ATF2: variants seen among roughly 807,000 people sequenced by gnomAD.
ATF2 encodes cyclic AMP-dependent transcription factor ATF-2.
Under a neutral mutation model 60.6 loss-of-function variants are expected in ATF2, and 24 were observed. That is an observed-to-expected ratio of 0.40 (90% CI 0.29 to 0.56). ATF2 has a LOEUF of 0.56. Ranked by LOEUF, ATF2 falls within the 20% of genes least tolerant of loss-of-function variation. ATF2 has a pLI of 0.54. For synonymous variants in ATF2, 206 were observed against 215.4 expected (o/e 0.96, Z 0.38); for missense variants, 433 against 607.7 (o/e 0.71, Z 3.02).
chr2:175,074,558 C>A lies in ATF2; in HGVS notation c.*51G>T. On this transcript the variant is annotated 3_prime_UTR_variant, in exon 14 of 14. Coordinates refer to ENST00000264110, the MANE Select transcript of ATF2 (RefSeq NM_001880.4). ...TGGAAACTGGTCTTTCCTTGATTTCCCTTTGAAGTCACTAATGAGTATCTA... is the reference window on the plus strand; with the variant it reads ...TGGAAACTGGTCTTTCCTTGATTTCACTTTGAAGTCACTAATGAGTATCTA... 1 of 1,544,644 alleles carries A rather than the reference C, an allele frequency of 6.5e-7. No individual in the cohort carries two copies. Among genetic ancestry groups the A allele is most frequent in the East Asian group, 2.4e-5 (1 of 41,934 alleles).
At chr2:175,084,181 G>C (rs2105552345) in intron 12 of ATF2, among the ~76,000 whole-genome samples, 1 of 152,138 alleles carries the variant, frequency 6.6e-6, no homozygotes, top group African/African-American at 2.4e-5. Context: ...CTGCTATAAA[G>C]ACACATGCAC....
intron 4 of ATF2, among the ~76,000 whole-genome samples, chr2:175,125,970 A>C (rs1574429823): frequency 6.6e-6 from 1 of 152,124 alleles, no homozygotes; most frequent in Non-Finnish European, 1.5e-5. Context: ...TCAATCCTAC[A>C]TTGAAGCTAT....
intron 10 of ATF2, among the ~76,000 whole-genome samples, chr2:175,101,077 G>A: frequency 6.6e-6 from 1 of 152,094 alleles, no homozygotes; most frequent in East Asian, 1.9e-4. Flanking sequence ...AAGAAAAACT[G>A]AATTTTTTAG....
rs371109331 is a variant in ATF2, at chr2:175,114,886, A to G, written c.448-18T>C. The G allele has an allele frequency of 1.5e-5, 24 of 1,600,928 alleles. No individual in the cohort carries two copies. Among genetic ancestry groups the G allele is most frequent in the Admixed American group, 1.0e-4 (6 of 59,402 alleles). On this transcript the variant is annotated intron_variant, in intron 7 of 13. Transcript: ENST00000264110. ...GGTACTTCCTATTTAACAATGAGAT[A>G]AAAAAGGGTGGCATTTAAAAATACA...
chr2:175,099,860 T>A (rs1009629728), intron 10 of ATF2, among the ~76,000 whole-genome samples: 1 of 152,298 alleles, frequency 6.6e-6, no homozygotes, highest in Admixed American at 6.5e-5. Flanking sequence ...TTATCCTTGG[T>A]GCTACCAGAA....
At chr2:175,085,903 C>T (rs1331275371) in intron 12 of ATF2, among the ~76,000 whole-genome samples, 2 of 152,114 alleles carry the variant, frequency 1.3e-5, no homozygotes, top group African/African-American at 4.8e-5. Flanking sequence ...AACTTTTGCA[C>T]ATTCTTTTAT....
chr2:175,146,344 A>G (rs1376842474), intron 2 of ATF2, among the ~76,000 whole-genome samples: 1 of 152,176 alleles, frequency 6.6e-6, no homozygotes, highest in Non-Finnish European at 1.5e-5. Context: ...TATGAAGTAC[A>G]TTATCAGAAC....
intron 12 of ATF2, among the ~76,000 whole-genome samples, chr2:175,083,145 A>G (rs1461593084): frequency 1.3e-5 from 2 of 151,794 alleles, no homozygotes; most frequent in Admixed American, 6.6e-5. Context: ...GGAAAAAACT[A>G]CTTTAAAGTT....
intron 1 of ATF2, among the ~76,000 whole-genome samples, chr2:175,154,357 C>A (rs780963999): frequency 6.6e-6 from 1 of 151,894 alleles, no homozygotes; most frequent in Non-Finnish European, 1.5e-5. Context: ...TCCACCTCCA[C>A]ATCTTGTCCC....
chr2:175,147,763 A>G (rs1699048566), intron 2 of ATF2, among the ~76,000 whole-genome samples: 1 of 152,220 alleles, frequency 6.6e-6, no homozygotes. Context: ...TAAGGAAGAG[A>G]AAAAGTGAAA....
intron 1 of ATF2, among the ~76,000 whole-genome samples, chr2:175,163,918 C>CAAAAAAAAAAAAAAAAAAAAAAAAA (rs1176905315): frequency 2.0e-4 from 6 of 30,294 alleles, no homozygotes; most frequent in Non-Finnish European, 2.4e-4. Context: ...AACTCCGTCT[C>CAAAAAAAAAAAAAAAAAAAAAAAAA]AAAAAAAAAA....
intron 5 of ATF2, 75 bp downstream of exon 5, chr2:175,121,369 A>T: frequency 1.1e-6 from 1 of 946,080 alleles, no homozygotes; most frequent in Non-Finnish European, 1.5e-6. Flanking sequence ...TATATTATTT[A>T]CAGAGAATAC....
At position 175,072,979 on chromosome 2, in the gene ATF2, T is replaced by G. The variant is rs1026025509; in HGVS notation, c.*1630A>C. On this transcript the variant is annotated 3_prime_UTR_variant, in exon 14 of 14. Transcript: ENST00000264110. ...CATACAGACTTTTAAAATGTCAGTCTCATTAGGAGATGGCACTGAGACTTT... is the reference window on the plus strand; with the variant it reads ...CATACAGACTTTTAAAATGTCAGTCGCATTAGGAGATGGCACTGAGACTTT... The G allele has an allele frequency of 3.9e-5, 6 of 152,260 alleles. No homozygotes were observed. In the East Asian group the frequency reaches 1.2e-3, roughly 29 times the overall value. 9.4% of individuals were successfully genotyped at this position (152,260 alleles called of 1,614,324 possible).
intron 4 of ATF2, among the ~76,000 whole-genome samples, chr2:175,128,559 C>A (rs1414240270): frequency 6.6e-6 from 1 of 150,776 alleles, no homozygotes; most frequent in Non-Finnish European, 1.5e-5. Context: ...AAAATTAATT[C>A]AAGATTAAAG....
intron 2 of ATF2, among the ~76,000 whole-genome samples, chr2:175,146,118 T>C (rs1188983503): frequency 6.6e-6 from 1 of 152,166 alleles, no homozygotes; most frequent in Non-Finnish European, 1.5e-5. Flanking sequence ...ACTTCTATAA[T>C]AGTCATGCCA....
chr2:175,145,314 TC>T, intron 2 of ATF2, among the ~76,000 whole-genome samples: 1 of 152,302 alleles, frequency 6.6e-6, no homozygotes, highest in African/African-American at 2.4e-5. Context: ...TTGGGGCAGA[TC>T]CCTCATGGCT....
chr2:175,163,429 G>A (rs268158), intron 1 of ATF2, among the ~76,000 whole-genome samples: 138,082 of 152,114 alleles, frequency 0.91, 62,708 homozygotes, highest in East Asian at 1. Flanking sequence ...TTCCCTACCA[G>A]TCTTGTTGAG....
At chr2:175,145,844 G>A (rs1698910103) in intron 2 of ATF2, among the ~76,000 whole-genome samples, 1 of 152,108 alleles carries the variant, frequency 6.6e-6, no homozygotes, top group South Asian at 2.1e-4. Context: ...GATAGTAATG[G>A]ATCACATCGT....
intron 1 of ATF2, among the ~76,000 whole-genome samples, chr2:175,166,615 T>C (rs910545464): frequency 1.6e-4 from 25 of 152,250 alleles, no homozygotes; most frequent in African/African-American, 6.0e-4. Flanking sequence ...CACTTAAACC[T>C]GTAGGTTTGA....
Sources: gnomAD v4.1 joint callset for allele counts (sites outside exome capture counted in the v4.1 genomes callset) on GRCh38, gnomAD v4.1.1 for gene constraint, MANE v1.5 for transcripts, NCBI Gene and HGNC (gene_info 2026-07-23, HGNC 2026-07-21) for gene names.